GABRB1: variants seen among roughly 807,000 people sequenced by gnomAD.
GABRB1 encodes gamma-aminobutyric acid receptor subunit beta-1.
Under a neutral mutation model 51.6 loss-of-function variants are expected in GABRB1, and 17 were observed. The observed-to-expected ratio is 0.33, with a 90% CI of 0.23 to 0.49. The LOEUF (loss-of-function observed/expected upper bound fraction) is 0.49, where lower values mean the gene tolerates loss of function less well. Among genes scored for constraint, GABRB1 ranks in the 20% least tolerant of loss-of-function variants. The probability of loss-of-function intolerance (pLI) is 0.99; values close to 1 mark genes in which losing one functional copy is unlikely to be tolerated. For missense variants in GABRB1, 410 were observed against 600.6 expected (o/e 0.68, Z 3.32); for synonymous variants, 247 against 218.9 (o/e 1.13, Z -1.14).
intron 8 of GABRB1, among the ~76,000 whole-genome samples, chr4:47,414,302 G>T (rs1233192162): frequency 6.6e-6 from 1 of 152,138 alleles, no homozygotes; most frequent in Non-Finnish European, 1.5e-5. Context: ...GCACAGTTTT[G>T]CTTTATACAT....
At chr4:47,241,539 A>G in intron 4 of GABRB1, among the ~76,000 whole-genome samples, 1 of 152,126 alleles carries the variant, frequency 6.6e-6, no homozygotes, top group Non-Finnish European at 1.5e-5. Context: ...AATTTCACCA[A>G]CAATCTTTGT....
At chr4:47,298,004 A>G (rs1365878984) in intron 4 of GABRB1, among the ~76,000 whole-genome samples, 1 of 152,230 alleles carries the variant, frequency 6.6e-6, no homozygotes, top group Non-Finnish European at 1.5e-5. Context: ...TGATTATCTC[A>G]ATAGATGCAG....
intron 5 of GABRB1, among the ~76,000 whole-genome samples, chr4:47,328,897 C>T (rs1011227097): frequency 1.3e-5 from 2 of 148,980 alleles, no homozygotes; most frequent in African/African-American, 5.0e-5. Flanking sequence ...TGCACACGTA[C>T]CCTAAAACTT....
intron 6 of GABRB1, 35 bp downstream of exon 6, chr4:47,403,490 C>G: frequency 6.2e-7 from 1 of 1,613,204 alleles, no homozygotes; most frequent in Non-Finnish European, 8.5e-7. Flanking sequence ...ACTAGGGGTG[C>G]TGTGAAAGGA....
intron 8 of GABRB1, among the ~76,000 whole-genome samples, chr4:47,407,529 T>C (rs964877509): frequency 6.6e-6 from 1 of 152,246 alleles, no homozygotes; most frequent in African/African-American, 2.4e-5. Flanking sequence ...ATGATCTGTT[T>C]ATTCTTTAAA....
At chr4:47,040,041 A>C (rs1250840146) in intron 3 of GABRB1, among the ~76,000 whole-genome samples, 1 of 152,198 alleles carries the variant, frequency 6.6e-6, no homozygotes, top group Non-Finnish European at 1.5e-5. Flanking sequence ...CTGCAGAGGA[A>C]TATTTACTGT....
Position 47,095,024 on chromosome 4 carries a change from G to GAA in GABRB1, c.240+62546_240+62547dup, listed in dbSNP as rs1377178738. On this transcript the variant is annotated intron_variant, in intron 3 of 8. Coordinates refer to ENST00000295454, the MANE Select transcript of GABRB1 (RefSeq NM_000812.4). Reference sequence around the variant, plus strand: ...GCAGAAAAATCTGGCTCAGAAAAGAGAAAAAAATATTCCTGAGACAGAACA... The same window carrying GAA: ...GCAGAAAAATCTGGCTCAGAAAAGAGAAAAAAAAATATTCCTGAGACAGAACA... Among the ~76,000 whole-genome samples, 10 of 152,014 alleles carry GAA rather than the reference G, an allele frequency of 6.6e-5. 1 individual carries two copies. Among genetic ancestry groups the GAA allele is most frequent in the Non-Finnish European group, 1.5e-5 (1 of 67,948 alleles).
chr4:47,147,168 A>G (rs7695849), intron 3 of GABRB1, among the ~76,000 whole-genome samples: 130,778 of 152,038 alleles, frequency 0.86, 56,269 homozygotes, highest in African/African-American at 0.9. Context: ...CTCTACTTCA[A>G]GCACTTTAAA....
chr4:47,219,124 A>G (rs956150046), intron 4 of GABRB1, among the ~76,000 whole-genome samples: 6 of 151,962 alleles, frequency 3.9e-5, no homozygotes, highest in African/African-American at 1.4e-4. Context: ...TATTTGTGGG[A>G]TTCTTATGAG....
At chr4:47,375,494 C>T (rs898254874) in intron 5 of GABRB1, among the ~76,000 whole-genome samples, 1 of 152,144 alleles carries the variant, frequency 6.6e-6, no homozygotes, top group Admixed American at 6.5e-5. Context: ...ATGACTTACC[C>T]CAATAAAAGC....
intron 5 of GABRB1, among the ~76,000 whole-genome samples, chr4:47,361,298 C>T (rs1444347581): frequency 6.6e-6 from 1 of 152,068 alleles, no homozygotes; most frequent in Non-Finnish European, 1.5e-5. Context: ...ATCTCATGGA[C>T]TAATAGTAAA....
At chr4:47,110,971 A>G (rs1432738403) in intron 3 of GABRB1, among the ~76,000 whole-genome samples, 1 of 152,200 alleles carries the variant, frequency 6.6e-6, no homozygotes, top group Non-Finnish European at 1.5e-5. Context: ...AATTGCAAAT[A>G]AGGTTTACAA....
chr4:47,134,979 A>T (rs894560107), intron 3 of GABRB1, among the ~76,000 whole-genome samples: 3 of 152,112 alleles, frequency 2.0e-5, no homozygotes, highest in African/African-American at 7.2e-5. Flanking sequence ...AAATAAAATT[A>T]GCCAGGTGTA....
At chr4:47,093,032 T>A (rs1293898114) in intron 3 of GABRB1, among the ~76,000 whole-genome samples, 1 of 152,230 alleles carries the variant, frequency 6.6e-6, no homozygotes, top group East Asian at 1.9e-4. Context: ...TCATATAACT[T>A]CTCACACAAC....
intron 4 of GABRB1, among the ~76,000 whole-genome samples, chr4:47,199,243 A>G (rs1719803648): frequency 6.6e-6 from 1 of 152,202 alleles, no homozygotes; most frequent in South Asian, 2.1e-4. Flanking sequence ...TCAAATTGCA[A>G]AATAAGTTAA....
At chr4:47,309,146 A>G (rs1326471053) in intron 4 of GABRB1, among the ~76,000 whole-genome samples, 1 of 152,152 alleles carries the variant, frequency 6.6e-6, no homozygotes, top group Non-Finnish European at 1.5e-5. Flanking sequence ...TTTAGGAAAA[A>G]TAGTATGTCT....
chr4:47,409,987 T>C (rs185094579), intron 8 of GABRB1, among the ~76,000 whole-genome samples: 3 of 152,350 alleles, frequency 2.0e-5, no homozygotes, highest in South Asian at 4.1e-4. Flanking sequence ...CCCATTTGAC[T>C]GACCTTTATT....
At chr4:47,023,072 A>G (rs1724973417) in intron 1 of GABRB1, among the ~76,000 whole-genome samples, 1 of 152,102 alleles carries the variant, frequency 6.6e-6, no homozygotes, top group Non-Finnish European at 1.5e-5. Flanking sequence ...TAATCCAGGG[A>G]CAGAAAGACA....
chr4:47,055,495 T>C (rs1005847591), intron 3 of GABRB1, among the ~76,000 whole-genome samples: 1 of 152,206 alleles, frequency 6.6e-6, no homozygotes, highest in African/African-American at 2.4e-5. Flanking sequence ...GCATGCACTT[T>C]GTCGAAATAT....
Sources: allele counts gnomAD v4.1 joint callset (sites outside exome capture counted in the v4.1 genomes callset), GRCh38; gene constraint gnomAD v4.1.1; transcripts MANE v1.5; gene names NCBI Gene and HGNC (gene_info 2026-07-23, HGNC 2026-07-21).